Variants in NPY2R observed in about 807,000 individuals in gnomAD.
NPY2R encodes neuropeptide Y receptor Y2, also known as neuropeptide Y receptor type 2.
In NPY2R, 17 loss-of-function variants were observed where a neutral mutation model predicts 22.3. The ratio of observed to expected loss-of-function variants is 0.76; its 90% CI spans 0.52 to 1.14. The LOEUF (loss-of-function observed/expected upper bound fraction) is 1.14, where lower values mean the gene tolerates loss of function less well. NPY2R is among the 50% of genes most tolerant of loss of function. The pLI, the probability that NPY2R is intolerant of heterozygous loss-of-function variation, is 0.00. For missense variants in NPY2R, 424 were observed against 467.9 expected (o/e 0.91, Z 0.87); for synonymous variants, 209 against 183.4 (o/e 1.14, Z -1.13).
upstream of NPY2R, among the ~76,000 whole-genome samples, chr4:155,205,804 G>GCTATCTATCTATCTATCTAT (rs3836609): frequency 1.4e-5 from 2 of 146,932 alleles, no homozygotes; most frequent in African/African-American, 5.0e-5. Context: ...GAGTCAGGCT[G>GCTATCTATCTATCTATCTAT]CTATCTATCT....
chr4:155,186,266 T>C, the NPY2R span, among the ~76,000 whole-genome samples: 1 of 152,152 alleles, frequency 6.6e-6, no homozygotes, highest in Non-Finnish European at 1.5e-5. Context: ...GTGACTCAAT[T>C]TAGTTTAACA....
At chr4:155,196,142 A>C in the NPY2R span, among the ~76,000 whole-genome samples, 7 of 152,146 alleles carry the variant, frequency 4.6e-5, no homozygotes, top group South Asian at 1.4e-3. Flanking sequence ...ACTAAACCAA[A>C]ATTACACTCC....
rs1729529516 is a variant in NPY2R, at chr4:155,216,961, G to A, written c.*1876G>A. The A allele has an allele frequency of 6.0e-6, 1 of 166,894 alleles. No homozygotes were observed. The highest frequency in any genetic ancestry group is 6.6e-5 in the Admixed American group (1 of 15,256). 10.3% of individuals were successfully genotyped at this position (166,894 alleles called of 1,614,324 possible). Reference sequence around the variant, plus strand: ...TACATGTTGTATTAGTAAATTATTAGAATCCAATTAATGATTCAATTAACA... The same window carrying A: ...TACATGTTGTATTAGTAAATTATTAAAATCCAATTAATGATTCAATTAACA... On this transcript the variant is annotated 3_prime_UTR_variant, in exon 2 of 2. Coordinates refer to ENST00000329476, the MANE Select transcript of NPY2R (RefSeq NM_000910.4).
the NPY2R span, among the ~76,000 whole-genome samples, chr4:155,174,481 T>TAG: frequency 1.1e-5 from 1 of 90,968 alleles, no homozygotes; most frequent in African/African-American, 5.5e-5. Flanking sequence ...TATATATATA[T>TAG]ATATTTTTTT....
At chr4:155,199,595 T>A in the NPY2R span, among the ~76,000 whole-genome samples, 7,748 of 152,180 alleles carry the variant, frequency 0.051, 239 homozygotes, top group Middle Eastern at 0.095. Context: ...ACTGGAGGCA[T>A]CATACTACCT....
At chr4:155,185,535 G>A in the NPY2R span, among the ~76,000 whole-genome samples, 1 of 151,966 alleles carries the variant, frequency 6.6e-6, no homozygotes, top group Admixed American at 6.6e-5. Context: ...TTATAATACT[G>A]TTAGTAGTAA....
chr4:155,185,583 A>G, the NPY2R span, among the ~76,000 whole-genome samples: 1 of 152,134 alleles, frequency 6.6e-6, no homozygotes, highest in African/African-American at 2.4e-5. Flanking sequence ...AGTTATTTCC[A>G]TATCCCTTTC....
the NPY2R span, among the ~76,000 whole-genome samples, chr4:155,185,872 T>C: frequency 1.4e-5 from 2 of 147,392 alleles, no homozygotes; most frequent in East Asian, 4.1e-4. Context: ...TAAGAAATAT[T>C]AACTTTTTCA....
chr4:155,215,175 AT>A lies in NPY2R; in HGVS notation c.*94del. The A allele has an allele frequency of 7.4e-6, 9 of 1,217,422 alleles. No homozygotes were observed. The highest frequency in any genetic ancestry group is 1.1e-5 in the Non-Finnish European group (9 of 832,330). The allele number at this position is 1,217,422 out of a possible 1,614,324, so 75.4% of individuals were successfully genotyped here. A position where few individuals can be genotyped will look rare whatever the true frequency, so the allele number is the denominator to read the frequency against. On this transcript the variant is annotated 3_prime_UTR_variant, in exon 2 of 2. Coordinates refer to ENST00000329476, the MANE Select transcript of NPY2R (RefSeq NM_000910.4). ...GCTCACAAGTGAAAACTGATTTCCCATTTTAAAGAAGAAGTGGATCTAAATG... is the reference window on the plus strand; with the variant it reads ...GCTCACAAGTGAAAACTGATTTCCCATTTAAAGAAGAAGTGGATCTAAATG...
the NPY2R span, among the ~76,000 whole-genome samples, chr4:155,185,045 T>TA: frequency 0.23 from 12,532 of 54,320 alleles, 828 homozygotes; most frequent in East Asian, 0.56. Flanking sequence ...TATATATATA[T>TA]TTTTTTTTTC....
the NPY2R span, among the ~76,000 whole-genome samples, chr4:155,201,341 T>C: frequency 0.046 from 7,026 of 152,132 alleles, 519 homozygotes; most frequent in African/African-American, 0.16. Flanking sequence ...AAAGCTAAAA[T>C]CCATGTTATA....
chr4:155,215,013 G>A lies in NPY2R; in HGVS notation c.1074G>A (p.Lys358=), dbSNP rs748521183. 1.6e-5 allele frequency: 26 copies of A among 1,614,112 alleles called. No homozygotes were observed. The highest frequency in any genetic ancestry group is 1.8e-5 in the Non-Finnish European group (21 of 1,180,038). ...ACTCTGAGGTGTCCGTGACATTCAAGGCTAAAAAGAACCTGGAGGTCAGAA... is the reference window on the plus strand; with the variant it reads ...ACTCTGAGGTGTCCGTGACATTCAAAGCTAAAAAGAACCTGGAGGTCAGAA... ...AIHSEVSVTF[K]AKKNLEVRKN... is the part of the protein sequence containing the mutation. The change falls in exon 2 of 2, where the codon AAG becomes AAA. Residue 358 remains lysine (K), a synonymous_variant. Coordinates refer to ENST00000329476, the MANE Select transcript of NPY2R (RefSeq NM_000910.4).
chr4:155,180,876 T>C, the NPY2R span, among the ~76,000 whole-genome samples: 1 of 151,798 alleles, frequency 6.6e-6, no homozygotes, highest in Non-Finnish European at 1.5e-5. Context: ...AAATAGATTA[T>C]ATGTGATAGT....
chr4:155,195,641 G>T, the NPY2R span, among the ~76,000 whole-genome samples: 3 of 151,524 alleles, frequency 2.0e-5, no homozygotes, highest in African/African-American at 7.3e-5. Flanking sequence ...ATAATATAAT[G>T]TACAATCCAC....
At chr4:155,209,883 C>T (rs545711566) in intron 1 of NPY2R, among the ~76,000 whole-genome samples, 22 of 152,192 alleles carry the variant, frequency 1.4e-4, no homozygotes, top group African/African-American at 5.1e-4. Context: ...AAACATCTCT[C>T]CTCAAAGCAT....
chr4:155,199,409 A>C, the NPY2R span, among the ~76,000 whole-genome samples: 1 of 152,290 alleles, frequency 6.6e-6, no homozygotes, highest in African/African-American at 2.4e-5. Context: ...ACAGATAGAA[A>C]GAATCAATAT....
chr4:155,198,400 T>G, the NPY2R span, among the ~76,000 whole-genome samples: 1 of 149,248 alleles, frequency 6.7e-6, no homozygotes, highest in African/African-American at 2.4e-5. Flanking sequence ...AATTTCACAA[T>G]TAATTATATA....
the NPY2R span, among the ~76,000 whole-genome samples, chr4:155,177,734 G>C: frequency 6.6e-6 from 1 of 151,942 alleles, no homozygotes; most frequent in Non-Finnish European, 1.5e-5. Flanking sequence ...TACCTCCCCA[G>C]CTTGTGCACC....
At chr4:155,174,179 T>A in the NPY2R span, 1 of 151,910 alleles carries the variant, frequency 6.6e-6, no homozygotes, top group Non-Finnish European at 1.5e-5. Flanking sequence ...GATTATAACA[T>A]GGAAATAGTG....
Sources: gnomAD v4.1 joint callset for allele counts (sites outside exome capture counted in the v4.1 genomes callset) on GRCh38, gnomAD v4.1.1 for gene constraint, MANE v1.5 for transcripts, NCBI Gene and HGNC (gene_info 2026-07-23, HGNC 2026-07-21) for gene names.